The following IFTAP variants were observed in gnomAD, a reference collection of about 807,000 sequenced individuals.
IFTAP encodes the protein intraflagellar transport associated protein, also known as intraflagellar transport-associated protein.
Under a neutral mutation model 19.4 loss-of-function variants are expected in IFTAP, and 19 were observed. The ratio of observed to expected loss-of-function variants is 0.98; its 90% CI spans 0.68 to 1.44. The LOEUF is 1.44. Among genes scored for constraint, IFTAP ranks in the 40% most tolerant of loss-of-function variants. IFTAP has a pLI of 0.00. For synonymous variants in IFTAP, 85 were observed against 83.5 expected, an observed-to-expected ratio of 1.02 and a Z score of -0.10; for missense variants, 240 against 253.6, an observed-to-expected ratio of 0.95 and a Z score of 0.36.
chr11:36,654,218 C>T (rs1853871426), intron 5 of IFTAP, among the ~76,000 whole-genome samples: 1 of 152,122 alleles, frequency 6.6e-6, no homozygotes, highest in African/African-American at 2.4e-5. Flanking sequence ...GGACACTTTC[C>T]AGTCTTCCTT....
chr11:36,651,305 A>C (rs989911609), intron 5 of IFTAP, among the ~76,000 whole-genome samples: 2 of 152,230 alleles, frequency 1.3e-5, no homozygotes, highest in African/African-American at 4.8e-5. Context: ...TCTGATGGCC[A>C]GTGATAATGA....
chr11:36,614,697 T>C (rs1011068319), intron 2 of IFTAP, among the ~76,000 whole-genome samples: 1 of 148,290 alleles, frequency 6.7e-6, no homozygotes, highest in African/African-American at 2.6e-5. Context: ...TCATGTGTTT[T>C]TTGGCTGCAT....
chr11:36,642,414 A>C (rs141484196), intron 4 of IFTAP, among the ~76,000 whole-genome samples: 1,814 of 152,310 alleles, frequency 0.012, 31 homozygotes, highest in African/African-American at 0.041. Context: ...TCACAGCCAA[A>C]TTCTACCAGA....
chr11:36,605,625 TG>T (rs1459296804), intron 1 of IFTAP, among the ~76,000 whole-genome samples: 2 of 152,176 alleles, frequency 1.3e-5, no homozygotes, highest in African/African-American at 4.8e-5. Context: ...CTCAGTGACT[TG>T]GCAAAAAGTG....
chr11:36,635,257 C>A (rs11033728), intron 3 of IFTAP, among the ~76,000 whole-genome samples: 2 of 152,130 alleles, frequency 1.3e-5, no homozygotes, highest in African/African-American at 4.8e-5. Context: ...AACCTTATTC[C>A]TTTACTAGGT....
chr11:36,657,085 T>C (rs1442674618), intron 5 of IFTAP, among the ~76,000 whole-genome samples: 1 of 152,102 alleles, frequency 6.6e-6, no homozygotes, highest in African/African-American at 2.4e-5. Context: ...ATGAAAGGCC[T>C]TTACCCAGGC....
At position 36,624,335 on chromosome 11, in the gene IFTAP, G is replaced by A. The variant is rs118040567; in HGVS notation, c.137-8949G>A. Among the ~76,000 whole-genome samples, 10 of 152,232 alleles carry A rather than the reference G, an allele frequency of 6.6e-5. No individual in the cohort carries two copies. The South Asian group carries it at 1.2e-3, about 19-fold the overall frequency. Reference sequence around the variant, plus strand: ...TTACATCCTAGTCTTCCTTGAAGCTGGGTATAGTCATTTGACTAAGTTTGT... The same window carrying A: ...TTACATCCTAGTCTTCCTTGAAGCTAGGTATAGTCATTTGACTAAGTTTGT... On this transcript the variant is annotated intron_variant, in intron 2 of 5. Coordinates refer to ENST00000334307, the MANE Select transcript of IFTAP (RefSeq NM_138787.4).
intron 1 of IFTAP, among the ~76,000 whole-genome samples, chr11:36,608,431 C>G (rs1851768498): frequency 6.6e-6 from 1 of 152,130 alleles, no homozygotes; most frequent in African/African-American, 2.4e-5. Context: ...TGGAGAAACC[C>G]CTACTTTTTA....
chr11:36,646,129 A>C (rs1383719718), intron 4 of IFTAP, among the ~76,000 whole-genome samples: 1 of 152,200 alleles, frequency 6.6e-6, no homozygotes, highest in East Asian at 1.9e-4. Context: ...CTACCTTGGC[A>C]AATAGGTTAG....
At chr11:36,625,295 T>G (rs16929208) in intron 2 of IFTAP, among the ~76,000 whole-genome samples, 23,407 of 152,080 alleles carry the variant, frequency 0.15, 2,586 homozygotes, top group African/African-American at 0.31. Context: ...CTGAATTATT[T>G]TAAAGGCTCA....
chr11:36,650,713 ACCCCACAACAGG>A (rs2133527939), intron 5 of IFTAP, among the ~76,000 whole-genome samples: 1 of 146,058 alleles, frequency 6.8e-6, no homozygotes, highest in African/African-American at 2.5e-5. Context: ...CCCTTCCCCC[ACCCCACAACAGG>A]CCCTGGTGTG....
chr11:36,599,570 C>A (rs12285096), intron 1 of IFTAP, among the ~76,000 whole-genome samples: 5,867 of 152,106 alleles, frequency 0.039, 368 homozygotes, highest in African/African-American at 0.13. Context: ...TGAAGATGTA[C>A]ATATATTACC....
At chr11:36,612,122 C>T (rs534561516) in intron 2 of IFTAP, among the ~76,000 whole-genome samples, 1 of 152,090 alleles carries the variant, frequency 6.6e-6, no homozygotes, top group Non-Finnish European at 1.5e-5. Flanking sequence ...GAAAAGGGGT[C>T]TTATTCTGTT....
intron 1 of IFTAP, among the ~76,000 whole-genome samples, chr11:36,605,874 T>G (rs1851675158): frequency 1.3e-5 from 2 of 152,194 alleles, no homozygotes; most frequent in African/African-American, 4.8e-5. Flanking sequence ...TCTAGGCAAG[T>G]GTCTCTCTCT....
At chr11:36,648,231 G>A in intron 5 of IFTAP, 76 bp downstream of exon 5, 1 of 1,475,082 alleles carries the variant, frequency 6.8e-7, no homozygotes. Context: ...AATGCTGCAT[G>A]CTTCTGTATT....
At chr11:36,609,781 CTT>C (rs954519899) in intron 1 of IFTAP, among the ~76,000 whole-genome samples, 1 of 152,036 alleles carries the variant, frequency 6.6e-6, no homozygotes, top group African/African-American at 2.4e-5. Context: ...CCTCGAAAGA[CTT>C]TGAGTTTCTA....
chr11:36,619,881 A>G (rs1006994838), intron 2 of IFTAP, among the ~76,000 whole-genome samples: 26 of 152,166 alleles, frequency 1.7e-4, no homozygotes, highest in African/African-American at 6.0e-4. Flanking sequence ...GCGCTTTTGC[A>G]AATGTGAATT....
intron 2 of IFTAP, among the ~76,000 whole-genome samples, chr11:36,628,630 G>A (rs1010894676): frequency 6.6e-6 from 1 of 151,136 alleles, no homozygotes; most frequent in South Asian, 2.1e-4. Flanking sequence ...GATTGAATGA[G>A]CTCCGTAACT....
intron 2 of IFTAP, among the ~76,000 whole-genome samples, chr11:36,622,543 A>G (rs946908461): frequency 2.8e-4 from 42 of 152,114 alleles, no homozygotes; most frequent in Admixed American, 1.7e-3. Flanking sequence ...AGACCTGGGT[A>G]CTAGTCCAGG....
Sources: gnomAD v4.1 joint callset for allele counts (sites outside exome capture counted in the v4.1 genomes callset) on GRCh38, gnomAD v4.1.1 for gene constraint, MANE v1.5 for transcripts, NCBI Gene and HGNC (gene_info 2026-07-23, HGNC 2026-07-21) for gene names.